Variants in COL4A1 observed in about 807,000 individuals in gnomAD.
The protein encoded by COL4A1 is collagen type IV alpha 1 chain, also known as collagen alpha-1(IV) chain.
In COL4A1, 40 loss-of-function variants were observed where a neutral mutation model predicts 216.6. The observed-to-expected ratio is 0.18, with a 90% CI of 0.14 to 0.24. The LOEUF (loss-of-function observed/expected upper bound fraction) is 0.24, where lower values mean the gene tolerates loss of function less well. COL4A1 is among the 10% of genes least tolerant of loss of function. The pLI is 1.00. For synonymous variants in COL4A1, 839 were observed against 810.7 expected (o/e 1.03, Z -0.59); for missense variants, 1,628 against 2,196.8 (o/e 0.74, Z 5.18).
intron 1 of COL4A1, among the ~76,000 whole-genome samples, chr13:110,253,739 GTATTACATATACA>G (rs1423124912): frequency 2.8e-5 from 4 of 141,642 alleles, no homozygotes; most frequent in African/African-American, 1.1e-4. Context: ...ACGTATGTAT[GTATTACATATACA>G]TATAATTATA....
chr13:110,174,086 T>A, intron 39 of COL4A1, 88 bp from the exon 40 acceptor site: 1 of 1,409,738 alleles, frequency 7.1e-7, no homozygotes, highest in Non-Finnish European at 9.9e-7. Flanking sequence ...TGACATCCTT[T>A]AAGGGAGCTG....
At chr13:110,279,504 C>T (rs1161704953) in intron 1 of COL4A1, among the ~76,000 whole-genome samples, 1 of 152,158 alleles carries the variant, frequency 6.6e-6, no homozygotes, top group Non-Finnish European at 1.5e-5. Flanking sequence ...CTCAGTTCCC[C>T]ATATCCTGAA....
At chr13:110,242,550 C>T (rs1881613169) in intron 2 of COL4A1, 125 bp downstream of exon 2, 3 of 1,088,688 alleles carry the variant, frequency 2.8e-6, no homozygotes, top group South Asian at 1.2e-5. Flanking sequence ...TTGTATTGCT[C>T]TGGGGAAATT....
chr13:110,182,946 A>G, intron 28 of COL4A1, 47 bp downstream of exon 28: 1 of 1,551,260 alleles, frequency 6.4e-7, no homozygotes, highest in Non-Finnish European at 8.8e-7. Context: ...CTTTTCTCAC[A>G]GAAGTCACAG....
intron 2 of COL4A1, among the ~76,000 whole-genome samples, chr13:110,219,502 G>A (rs1276918319): frequency 2.0e-5 from 3 of 151,830 alleles, no homozygotes; most frequent in Non-Finnish European, 2.9e-5. Flanking sequence ...CAGCCCAGAC[G>A]TCTAGCTTGA....
chr13:110,214,079 A>C, intron 2 of COL4A1, 64 bp from the exon 3 acceptor site: 1 of 1,326,364 alleles, frequency 7.5e-7, no homozygotes, highest in Non-Finnish European at 1.1e-6. Context: ...GGAATTGGTG[A>C]CCAACTGTGA....
chr13:110,246,825 G>A (rs1394447687), intron 1 of COL4A1, among the ~76,000 whole-genome samples: 1 of 152,174 alleles, frequency 6.6e-6, no homozygotes, highest in Non-Finnish European at 1.5e-5. Flanking sequence ...TAGGGTCAAT[G>A]AGTTCCAAGT....
intron 1 of COL4A1, among the ~76,000 whole-genome samples, chr13:110,256,745 G>C (rs531815839): frequency 1.0e-5 from 1 of 98,256 alleles, no homozygotes; most frequent in Non-Finnish European, 2.3e-5. Flanking sequence ...GACCGGCGGC[G>C]GGGGGGTCTA....
At chr13:110,285,687 A>G (rs553170760) in intron 1 of COL4A1, among the ~76,000 whole-genome samples, 1 of 152,168 alleles carries the variant, frequency 6.6e-6, no homozygotes, top group South Asian at 2.1e-4. Context: ...CAAAACCAAA[A>G]AGCAGAAGGA....
chr13:110,205,262 TAC>T, intron 17 of COL4A1, 89 bp downstream of exon 17: 1 of 1,488,020 alleles, frequency 6.7e-7, no homozygotes, highest in Non-Finnish European at 9.4e-7. Context: ...TTCCCTTGAG[TAC>T]AGAGTCCTTT....
rs746538445 is a variant in COL4A1 at position 110,152,518 on chromosome 13, A to T, written c.4756-12T>A. The T allele has an allele frequency of 6.2e-7, 1 of 1,605,876 alleles. No homozygotes were observed. Among genetic ancestry groups the T allele is most frequent in the Non-Finnish European group, 8.5e-7 (1 of 1,178,724 alleles). On this transcript the variant is annotated splice_polypyrimidine_tract_variant and intron_variant, in intron 50 of 51. Transcript: ENST00000375820. ...CCAGCGCTGGTGTGCTGCAGAACAG[A>T]TGCGAGCCGTGAGTCAGAGGTTCCC...
rs1490911133 is a variant in COL4A1, at chr13:110,209,402, G to A, written c.641C>T (p.Pro214Leu). 1.9e-6 allele frequency: 3 copies of A among 1,611,634 alleles called. No homozygotes were observed. Among genetic ancestry groups the A allele is most frequent in the Non-Finnish European group, 1.7e-6 (2 of 1,178,320 alleles). ...GAAAAGAACTTTTACCTTTTCACCT[G>A]GAGGGCCGGGAGGGCCTGGGGGACC... Reference protein sequence around the residue: ...PPGPPGPPGPPGEKGQMGLSF... With the variant: ...PPGPPGPPGPLGEKGQMGLSF... The change falls in exon 11 of 52, where the codon CCA becomes CTA. Residue 214 changes from proline to leucine, a missense_variant. Coordinates refer to ENST00000375820, the MANE Select transcript of COL4A1 (RefSeq NM_001845.6).
intron 1 of COL4A1, among the ~76,000 whole-genome samples, chr13:110,247,886 C>T (rs1881900838): frequency 6.7e-6 from 1 of 149,420 alleles, no homozygotes; most frequent in Non-Finnish European, 1.5e-5. Flanking sequence ...CAGTGTTATA[C>T]AGTTTAACTG....
At chr13:110,287,426 T>A (rs974422819) in intron 1 of COL4A1, among the ~76,000 whole-genome samples, 9 of 152,314 alleles carry the variant, frequency 5.9e-5, no homozygotes, top group Non-Finnish European at 1.3e-4. Flanking sequence ...TATCTTATCT[T>A]TGTGAAGTTC....
chr13:110,294,937 C>A (rs925842283), intron 1 of COL4A1, among the ~76,000 whole-genome samples: 2 of 152,144 alleles, frequency 1.3e-5, no homozygotes, highest in Admixed American at 1.3e-4. Context: ...ATAGGAAATG[C>A]ACACATGGTC....
At chr13:110,176,831 A>C in intron 34 of COL4A1, 54 bp downstream of exon 34, 1 of 1,614,072 alleles carries the variant, frequency 6.2e-7, no homozygotes, top group Non-Finnish European at 8.5e-7. Context: ...CCGATAACCC[A>C]GGAAAGGCAC....
chr13:110,258,627 T>C (rs1211746002), intron 1 of COL4A1, among the ~76,000 whole-genome samples: 2 of 152,242 alleles, frequency 1.3e-5, no homozygotes, highest in Non-Finnish European at 2.9e-5. Context: ...TATGTGCCTC[T>C]TTATTAAAAA....
intron 2 of COL4A1, among the ~76,000 whole-genome samples, chr13:110,216,576 C>A (rs867155292): frequency 6.6e-6 from 1 of 152,090 alleles, no homozygotes; most frequent in Non-Finnish European, 1.5e-5. Context: ...ATGAGACCAG[C>A]GATGATAAGA....
At chr13:110,196,452 T>C (rs1219053252) in intron 21 of COL4A1, among the ~76,000 whole-genome samples, 1 of 152,216 alleles carries the variant, frequency 6.6e-6, no homozygotes, top group Non-Finnish European at 1.5e-5. Flanking sequence ...GAGCCTAGGG[T>C]ATACTAATTC....
Sources: allele counts gnomAD v4.1 joint callset (sites outside exome capture counted in the v4.1 genomes callset), GRCh38; gene constraint gnomAD v4.1.1; transcripts MANE v1.5; gene names NCBI Gene and HGNC (gene_info 2026-07-23, HGNC 2026-07-21).